The following CCDC57 variants were observed in gnomAD, a reference collection of about 807,000 sequenced individuals.
The protein encoded by CCDC57 is coiled-coil domain-containing protein 57.
In CCDC57, 118 loss-of-function variants were observed where a neutral mutation model predicts 118.9. The observed-to-expected ratio is 0.99, with a 90% CI of 0.86 to 1.16. CCDC57 has a LOEUF of 1.16. Among genes scored for constraint, CCDC57 ranks in the 50% most tolerant of loss-of-function variants. The pLI, the probability that CCDC57 is intolerant of heterozygous loss-of-function variation, is 0.00. For missense variants in CCDC57, 1,300 were observed against 1,320.7 expected, an observed-to-expected ratio of 0.98 and a Z score of 0.24; for synonymous variants, 527 against 532.9, an observed-to-expected ratio of 0.99 and a Z score of 0.15.
intron 13 of CCDC57, 149 bp from the exon 13 acceptor site, chr17:82,163,506 C>T: frequency 2.5e-6 from 2 of 800,482 alleles, no homozygotes; most frequent in Non-Finnish European, 3.9e-6. Flanking sequence ...TCATTGGAGT[C>T]AGCAGATCTG....
At chr17:82,146,804 C>A (rs1307980797) in intron 16 of CCDC57, among the ~76,000 whole-genome samples, 1 of 152,172 alleles carries the variant, frequency 6.6e-6, no homozygotes, top group African/African-American at 2.4e-5. Flanking sequence ...GTCTCACACA[C>A]AAACGTGTGT....
At chr17:82,123,295 T>C (rs1049014325) in intron 19 of CCDC57, among the ~76,000 whole-genome samples, 528 of 15,240 alleles carry the variant, frequency 0.035, 3 homozygotes, top group Non-Finnish European at 0.071. Context: ...GCCCGGCCCT[T>C]TTTTTTTTTT....
At chr17:82,126,412 ATTG>A in intron 19 of CCDC57, 1 of 983,266 alleles carries the variant, frequency 1.0e-6, no homozygotes, top group Non-Finnish European at 1.2e-6. Flanking sequence ...AAACATTTAA[ATTG>A]TTGTCACCGA....
rs139034704 is a variant in CCDC57, at chr17:82,113,034, T to A, written c.2900-11168A>T. 3.6e-4 allele frequency: 101 copies of A among 283,608 alleles called. No homozygotes were observed. The East Asian group carries it at 5.7e-3, about 16-fold the overall frequency. The allele number at this position is 283,608 out of a possible 1,614,324, so 17.6% of individuals were successfully genotyped here. A position where few individuals can be genotyped will look rare whatever the true frequency, so the allele number is the denominator to read the frequency against. Reference sequence around the variant, plus strand: ...TCAGAAAGTAAGCCGATTTGGTTATTTCTTAATGTATTTACTTTGTTCTAA... The same window carrying A: ...TCAGAAAGTAAGCCGATTTGGTTATATCTTAATGTATTTACTTTGTTCTAA... On this transcript the variant is annotated intron_variant, in intron 19 of 19. Coordinates refer to ENST00000665763, the Ensembl canonical transcript of CCDC57.
chr17:82,200,645 T>C (rs2048883209), intron 3 of CCDC57, among the ~76,000 whole-genome samples: 1 of 151,482 alleles, frequency 6.6e-6, no homozygotes, highest in African/African-American at 2.4e-5. Flanking sequence ...AAAAAAAAAT[T>C]AGCCGGGCGT....
At chr17:82,122,484 G>A (rs931891355) in intron 19 of CCDC57, among the ~76,000 whole-genome samples, 1 of 152,244 alleles carries the variant, frequency 6.6e-6, no homozygotes, top group African/African-American at 2.4e-5. Flanking sequence ...CGGAGGGCAG[G>A]TGCTTGTGGT....
chr17:82,207,163 A>G (rs1054355351), intron 2 of CCDC57, among the ~76,000 whole-genome samples: 4 of 152,118 alleles, frequency 2.6e-5, no homozygotes, highest in Non-Finnish European at 5.9e-5. Context: ...CCACACGGCA[A>G]AACGCTGCCT....
At chr17:82,196,131 C>T (rs1344386460) in intron 4 of CCDC57, among the ~76,000 whole-genome samples, 1 of 152,164 alleles carries the variant, frequency 6.6e-6, no homozygotes, top group African/African-American at 2.4e-5. Flanking sequence ...AGCCTCAAAT[C>T]GCCACTGTCC....
chr17:82,151,914 G>C lies in CCDC57; in HGVS notation c.2242-141C>G, dbSNP rs553122988. ...GTCACTGGGTGACATCCTTCCAAAA[G>C]AAAGACAAAAAGAGTCGCTGCTCCC... is the stretch of plus-strand genomic sequence containing the variant. On this transcript the variant is annotated intron_variant, in intron 15 of 19. Coordinates refer to ENST00000665763, the Ensembl canonical transcript of CCDC57. 3 of 673,884 alleles carry C rather than the reference G, an allele frequency of 4.5e-6. No homozygotes were observed. The East Asian group carries it at 8.2e-5, about 18-fold the overall frequency. 41.7% of individuals were successfully genotyped at this position (673,884 alleles called of 1,614,324 possible).
At chr17:82,166,969 A>G (rs1363402266) in intron 13 of CCDC57, among the ~76,000 whole-genome samples, 1 of 152,166 alleles carries the variant, frequency 6.6e-6, no homozygotes, top group Non-Finnish European at 1.5e-5. Context: ...GAAACCCAAA[A>G]TGGAAATTTT....
At chr17:82,150,403 A>T (rs1375967384) in intron 16 of CCDC57, among the ~76,000 whole-genome samples, 11 of 125,498 alleles carry the variant, frequency 8.8e-5, no homozygotes, top group Admixed American at 2.5e-4. Context: ...ACCCAGAACC[A>T]GGCGCACACC....
intron 7 of CCDC57, among the ~76,000 whole-genome samples, chr17:82,190,559 G>C (rs2047541098): frequency 6.6e-6 from 1 of 152,104 alleles, no homozygotes; most frequent in Non-Finnish European, 1.5e-5. Flanking sequence ...GCCAGGTGTA[G>C]TGGTGCATGC....
At chr17:82,102,210 G>C (rs921162924) in intron 19 of CCDC57, among the ~76,000 whole-genome samples, 2 of 152,218 alleles carry the variant, frequency 1.3e-5, no homozygotes, top group Non-Finnish European at 2.9e-5. Flanking sequence ...GGTCCCAGGA[G>C]GGGGCAGGGG....
At chr17:82,134,793 GCAAACAAA>G (rs74945073) in intron 16 of CCDC57, among the ~76,000 whole-genome samples, 70,482 of 151,314 alleles carry the variant, frequency 0.47, 17,156 homozygotes, top group East Asian at 0.88. Context: ...CAAAAAGCAA[GCAAACAAA>G]CAAACAAAAG....
intron 7 of CCDC57, among the ~76,000 whole-genome samples, chr17:82,190,400 A>C (rs193014322): frequency 2.2e-4 from 33 of 152,280 alleles, no homozygotes; most frequent in Admixed American, 2.2e-3. Flanking sequence ...GGCCATTCTA[A>C]AACACATTAA....
intron 16 of CCDC57, 71 bp downstream of exon 15, chr17:82,151,489 A>G (rs923876069): frequency 1.4e-6 from 2 of 1,432,052 alleles, no homozygotes; most frequent in Non-Finnish European, 1.9e-6. Context: ...AACCTGGCGC[A>G]CACCCAGAAC....
At chr17:82,106,951 C>T (rs1338653507) in intron 19 of CCDC57, among the ~76,000 whole-genome samples, 2 of 152,206 alleles carry the variant, frequency 1.3e-5, no homozygotes, top group Non-Finnish European at 2.9e-5. Flanking sequence ...ACCAGCAGGT[C>T]ACCGCCATGT....
At chr17:82,198,407 CTCACCATTCTTG>C (rs749513069) in exon 4 of CCDC57, 1 of 1,608,938 alleles carries the variant, frequency 6.2e-7, no homozygotes, top group South Asian at 1.1e-5. Flanking sequence ...GGTGGTCAAT[CTCACCATTCTTG>C]TCACTATGGT....
At chr17:82,117,178 C>A (rs2036029359) in intron 19 of CCDC57, among the ~76,000 whole-genome samples, 1 of 145,680 alleles carries the variant, frequency 6.9e-6, no homozygotes, top group South Asian at 2.2e-4. Flanking sequence ...TGGGGAAAAC[C>A]CATCTCTACA....
Sources: allele counts gnomAD v4.1 joint callset (sites outside exome capture counted in the v4.1 genomes callset), GRCh38; gene constraint gnomAD v4.1.1; transcripts MANE v1.5; gene names NCBI Gene and HGNC (gene_info 2026-07-23, HGNC 2026-07-21).